The following MGMT variants were observed in gnomAD, a reference collection of about 807,000 sequenced individuals.
The protein encoded by MGMT is methylated-DNA--protein-cysteine methyltransferase.
A neutral mutation model predicts 15.9 loss-of-function variants in MGMT; 14 were observed. The ratio of observed to expected loss-of-function variants is 0.88; its 90% confidence interval spans 0.58 to 1.37. The LOEUF (loss-of-function observed/expected upper bound fraction) is 1.37, where lower values mean the gene tolerates loss of function less well. Among genes scored for constraint, MGMT ranks in the 40% most tolerant of loss-of-function variants. The pLI, the probability that MGMT is intolerant of heterozygous loss-of-function variation, is 0.00. For synonymous variants in MGMT, 130 were observed against 118.2 expected (o/e 1.10, Z -0.65); for missense variants, 282 against 268.1 (o/e 1.05, Z -0.36).
chr10:129,720,575 G>A (rs1848358436), intron 3 of MGMT, among the ~76,000 whole-genome samples: 1 of 152,260 alleles, frequency 6.6e-6, no homozygotes, highest in African/African-American at 2.4e-5. Context: ...AAGGCAGCAA[G>A]TAAGGGGAAT....
At chr10:129,734,124 G>A (rs1848533743) in intron 3 of MGMT, among the ~76,000 whole-genome samples, 1 of 151,392 alleles carries the variant, frequency 6.6e-6, no homozygotes, top group African/African-American at 2.4e-5. Context: ...GATGGGGATG[G>A]CACTGAATCT....
intron 2 of MGMT, among the ~76,000 whole-genome samples, chr10:129,649,502 G>A (rs918960039): frequency 6.6e-6 from 1 of 152,184 alleles, no homozygotes; most frequent in African/African-American, 2.4e-5. Flanking sequence ...GGGCGATGAG[G>A]CATTCTTGAG....
intron 2 of MGMT, among the ~76,000 whole-genome samples, chr10:129,611,997 G>A (rs571947254): frequency 1.3e-4 from 20 of 152,342 alleles, no homozygotes; most frequent in Middle Eastern, 3.4e-3. Context: ...TGTGCCTAAG[G>A]TGGTCGGGGT....
intron 2 of MGMT, among the ~76,000 whole-genome samples, chr10:129,644,561 C>T (rs1027604840): frequency 6.6e-6 from 1 of 152,018 alleles, no homozygotes; most frequent in Non-Finnish European, 1.5e-5. Context: ...GGTTCCCCCC[C>T]TGAGGCCTGG....
At chr10:129,539,935 A>G (rs909299638) in intron 2 of MGMT, among the ~76,000 whole-genome samples, 7 of 152,212 alleles carry the variant, frequency 4.6e-5, no homozygotes, top group African/African-American at 7.2e-5. Flanking sequence ...AATTTCTGCA[A>G]TGATTCTTTT....
intron 1 of MGMT, among the ~76,000 whole-genome samples, chr10:129,481,122 G>A (rs1043579682): frequency 5.9e-5 from 9 of 152,186 alleles, no homozygotes; most frequent in Admixed American, 3.3e-4. Context: ...TGGCCCTTGC[G>A]GAGGCATCCA....
chr10:129,534,059 G>A (rs746286878), intron 1 of MGMT, among the ~76,000 whole-genome samples: 44 of 152,174 alleles, frequency 2.9e-4, no homozygotes, highest in Non-Finnish European at 4.7e-4. Flanking sequence ...CTTTGCATAC[G>A]TTCCCTCTAA....
At chr10:129,613,033 G>A (rs1846980376) in intron 2 of MGMT, among the ~76,000 whole-genome samples, 2 of 152,122 alleles carry the variant, frequency 1.3e-5, no homozygotes, top group Admixed American at 1.3e-4. Flanking sequence ...TAAGGTGCTG[G>A]CCTGTCTAAA....
intron 1 of MGMT, among the ~76,000 whole-genome samples, chr10:129,513,111 A>T (rs1845702152): frequency 6.6e-6 from 1 of 152,214 alleles, no homozygotes; most frequent in South Asian, 2.1e-4. Context: ...ACATGGACAA[A>T]CTTTAAAGAC....
At chr10:129,639,451 A>G (rs374353281) in intron 2 of MGMT, among the ~76,000 whole-genome samples, 1 of 152,214 alleles carries the variant, frequency 6.6e-6, no homozygotes, top group Admixed American at 6.5e-5. Context: ...TTACTGATCA[A>G]CAGATCCTAA....
At chr10:129,593,968 G>T (rs1036545431) in intron 2 of MGMT, among the ~76,000 whole-genome samples, 1 of 152,234 alleles carries the variant, frequency 6.6e-6, no homozygotes, top group Non-Finnish European at 1.5e-5. Flanking sequence ...TCTGCCCTGG[G>T]AAGGGAAGCT....
chr10:129,558,366 T>C (rs1045199639), intron 2 of MGMT, among the ~76,000 whole-genome samples: 4 of 152,116 alleles, frequency 2.6e-5, no homozygotes, highest in African/African-American at 9.7e-5. Flanking sequence ...AATAGGAAGA[T>C]TTGTGGGTGT....
At chr10:129,574,538 C>T (rs1846457151) in intron 2 of MGMT, among the ~76,000 whole-genome samples, 1 of 152,154 alleles carries the variant, frequency 6.6e-6, no homozygotes, top group African/African-American at 2.4e-5. Context: ...TACATAAATC[C>T]TAGCTTGGGG....
chr10:129,609,193 C>T, intron 2 of MGMT, among the ~76,000 whole-genome samples: 1 of 152,204 alleles, frequency 6.6e-6, no homozygotes, highest in East Asian at 1.9e-4. Context: ...AGGAGGTTGT[C>T]TACAGCCTTT....
At chr10:129,756,376 C>G (rs866797642) in intron 3 of MGMT, among the ~76,000 whole-genome samples, 2 of 152,140 alleles carry the variant, frequency 1.3e-5, no homozygotes, top group African/African-American at 4.8e-5. Context: ...CAGAATGTGG[C>G]GTTCGGAGGC....
At chr10:129,694,784 G>A (rs1416503489) in intron 2 of MGMT, among the ~76,000 whole-genome samples, 1 of 152,180 alleles carries the variant, frequency 6.6e-6, no homozygotes, top group Non-Finnish European at 1.5e-5. Flanking sequence ...AGACCAGCCA[G>A]CTCAAAGGAG....
chr10:129,687,206 T>C (rs1847914276), intron 2 of MGMT, among the ~76,000 whole-genome samples: 1 of 146,236 alleles, frequency 6.8e-6, no homozygotes, highest in Admixed American at 7.0e-5. Context: ...GAATTTTTCT[T>C]TTTGAGATAT....
chr10:129,725,283 G>A (rs1216187263), intron 3 of MGMT, among the ~76,000 whole-genome samples: 1 of 152,204 alleles, frequency 6.6e-6, no homozygotes, highest in Non-Finnish European at 1.5e-5. Flanking sequence ...AGCACAGGGT[G>A]CCCATCCTCA....
intron 2 of MGMT, among the ~76,000 whole-genome samples, chr10:129,695,684 ATTAT>A (rs1230910925): frequency 6.6e-6 from 1 of 152,184 alleles, no homozygotes; most frequent in Non-Finnish European, 1.5e-5. Context: ...TACCAAAAGT[ATTAT>A]TTCTCATTGC....
Sources: allele counts gnomAD v4.1 joint callset (sites outside exome capture counted in the v4.1 genomes callset), GRCh38; gene constraint gnomAD v4.1.1; transcripts MANE v1.5; gene names NCBI Gene and HGNC (gene_info 2026-07-23, HGNC 2026-07-21).